NR5A2: variants seen among roughly 807,000 people sequenced by gnomAD.
NR5A2 encodes the protein nuclear receptor subfamily 5 group A member 2, also known as CYP7A promoter-binding factor.
In NR5A2, 26 loss-of-function variants were observed where a neutral mutation model predicts 62.7. The observed-to-expected ratio is 0.41, with a 90% CI of 0.30 to 0.58. NR5A2 has a LOEUF of 0.58. Among genes scored for constraint, NR5A2 ranks in the 20% least tolerant of loss-of-function variants. The probability of loss-of-function intolerance (pLI) is 0.22; values close to 1 mark genes in which losing one functional copy is unlikely to be tolerated. For missense variants in NR5A2, 541 were observed against 669.1 expected, an observed-to-expected ratio of 0.81 and a Z score of 2.11; for synonymous variants, 246 against 241.7, an observed-to-expected ratio of 1.02 and a Z score of -0.16.
chr1:200,044,638 A>G (rs912390739), intron 3 of NR5A2: 6 of 152,102 alleles, frequency 3.9e-5, no homozygotes, highest in African/African-American at 1.2e-4. Flanking sequence ...ACTCAGTACA[A>G]TTACTTAAAC....
rs537191680 is a variant in NR5A2, at chr1:200,174,285, A to C, written c.*75A>C. On this transcript the variant is annotated 3_prime_UTR_variant, in exon 8 of 8. Transcript: ENST00000367362. ...GTGGGGAGGGGGAAGAAGAACAGGAAGAAAAAAAGTACTCTGAACTGCTCC... is the reference window on the plus strand; with the variant it reads ...GTGGGGAGGGGGAAGAAGAACAGGACGAAAAAAAGTACTCTGAACTGCTCC... 52 of 1,445,806 alleles carry C rather than the reference A, an allele frequency of 3.6e-5. No homozygotes were observed. The Admixed American group carries it at 6.1e-4, about 17-fold the overall frequency. The allele number at this position is 1,445,806 out of a possible 1,614,324, so 89.6% of individuals were successfully genotyped here. A position where few individuals can be genotyped will look rare whatever the true frequency, so the allele number is the denominator to read the frequency against.
In NR5A2 at chr1:200,048,890, T is replaced by A; in HGVS notation, c.1110+72T>A. On this transcript the variant is annotated intron_variant, in intron 5 of 7. Transcript: ENST00000367362. The surrounding 1 kb of genome is among the most constrained non-coding windows in gnomAD (Gnocchi z 4.8). ...CCTAACTATGTTCCTAATTAATACA[T>A]TCTTGGTGCTGAAAATATGTGTTCC... 1.3e-6 allele frequency: 2 copies of A among 1,517,360 alleles called. No homozygotes were observed. The highest frequency in any genetic ancestry group is 1.8e-6 in the Non-Finnish European group (2 of 1,113,302). 94.0% of individuals were successfully genotyped at this position (1,517,360 alleles called of 1,614,324 possible).
chr1:200,100,128 A>G (rs1198701886), intron 5 of NR5A2, among the ~76,000 whole-genome samples: 5 of 152,226 alleles, frequency 3.3e-5, no homozygotes, highest in African/African-American at 9.6e-5. Context: ...CTTTAATTAT[A>G]CATAAGAGAT....
intron 5 of NR5A2, among the ~76,000 whole-genome samples, chr1:200,107,586 T>G (rs1665743296): frequency 6.6e-6 from 1 of 152,178 alleles, no homozygotes; most frequent in Non-Finnish European, 1.5e-5. Flanking sequence ...GATATGCAGA[T>G]TTTGAAGTGT....
In NR5A2 at chr1:200,048,053, G is replaced by T. The variant is rs188182781; in HGVS notation, c.464-119G>T. 1.9e-4 allele frequency: 181 copies of T among 956,466 alleles called. No homozygotes were observed. The East Asian group carries it at 4.0e-3, about 21-fold the overall frequency. 59.2% of individuals were successfully genotyped at this position (956,466 alleles called of 1,614,324 possible). On this transcript the variant is annotated intron_variant, in intron 4 of 7. Coordinates refer to ENST00000367362, the MANE Select transcript of NR5A2 (RefSeq NM_205860.3). The surrounding 1 kb of genome is among the most constrained non-coding windows in gnomAD (Gnocchi z 4.8). ...GGAAATCTTTGTGGGCTATTGTAAC[G>T]AAAACAACCACACACATACCACTTC... is the stretch of plus-strand genomic sequence containing the variant.
intron 7 of NR5A2, among the ~76,000 whole-genome samples, chr1:200,171,453 A>C (rs1654175214): frequency 6.6e-6 from 1 of 152,172 alleles, no homozygotes; most frequent in South Asian, 2.1e-4. Flanking sequence ...GTATTCATAG[A>C]AATTAACCAT....
intron 3 of NR5A2, among the ~76,000 whole-genome samples, chr1:200,044,988 A>G (rs1324131917): frequency 6.6e-6 from 1 of 150,954 alleles, no homozygotes; most frequent in African/African-American, 2.4e-5. Flanking sequence ...GTTAAAAAAA[A>G]AAAAAAATCT....
chr1:200,051,990 C>T (rs1040701486), intron 5 of NR5A2, among the ~76,000 whole-genome samples: 4 of 152,178 alleles, frequency 2.6e-5, no homozygotes, highest in East Asian at 1.9e-4. Context: ...CCAGATAGTA[C>T]ATAACCTACA....
intron 5 of NR5A2, among the ~76,000 whole-genome samples, chr1:200,066,144 G>A (rs925524428): frequency 2.0e-5 from 3 of 152,170 alleles, no homozygotes; most frequent in Non-Finnish European, 2.9e-5. Context: ...TATACAGGAG[G>A]TCCATCACCC....
intron 5 of NR5A2, among the ~76,000 whole-genome samples, chr1:200,053,569 G>GCGCGCACACACACA (rs374944913): frequency 1.1e-4 from 15 of 141,994 alleles, no homozygotes; most frequent in African/African-American, 1.6e-4. Context: ...GCATGCACAC[G>GCGCGCACACACACA]CACACACACA....
chr1:200,057,487 C>CTT, intron 5 of NR5A2: 6 of 222,710 alleles, frequency 2.7e-5, no homozygotes, highest in South Asian at 9.2e-5. Context: ...AATTTTTTTT[C>CTT]TTTTTTTTTG....
chr1:200,082,489 T>A (rs1403999220), intron 5 of NR5A2, among the ~76,000 whole-genome samples: 2 of 152,160 alleles, frequency 1.3e-5, no homozygotes, highest in South Asian at 4.1e-4. Context: ...TTTAAGAATA[T>A]AAAACAAATT....
At chr1:200,067,389 T>C (rs1663536494) in intron 5 of NR5A2, among the ~76,000 whole-genome samples, 1 of 152,206 alleles carries the variant, frequency 6.6e-6, no homozygotes, top group Admixed American at 6.5e-5. Context: ...AAACCCCGTC[T>C]CTACTAAAAA....
At position 200,166,198 on chromosome 1, in the gene NR5A2, G is replaced by A. The variant is rs554822553; in HGVS notation, c.1379-7765G>A. Among the ~76,000 whole-genome samples, 72 of 152,182 alleles carry A rather than the reference G, an allele frequency of 4.7e-4. No homozygotes were observed. In the Middle Eastern group the frequency reaches 0.01, roughly 22 times the overall value. On this transcript the variant is annotated intron_variant, in intron 7 of 7. Coordinates refer to ENST00000367362, the MANE Select transcript of NR5A2 (RefSeq NM_205860.3). ...AGTGGTTTTCAAACATTTTTGATCC[G>A]TGGGAGCTTTTTTTCTAAACCATGT...
At chr1:200,030,174 T>C (rs1392327654) in intron 1 of NR5A2, among the ~76,000 whole-genome samples, 17 of 152,200 alleles carry the variant, frequency 1.1e-4, no homozygotes, top group Admixed American at 1.1e-3. Context: ...AAATTGCAAG[T>C]TGGGCTGTGT....
intron 5 of NR5A2, among the ~76,000 whole-genome samples, chr1:200,100,572 G>C (rs1480375740): frequency 6.6e-6 from 1 of 152,072 alleles, no homozygotes; most frequent in Non-Finnish European, 1.5e-5. Flanking sequence ...GTGTTGTCTT[G>C]GTTTATCTTT....
intron 1 of NR5A2, chr1:200,038,763 C>G (rs550976235): frequency 2.2e-6 from 3 of 1,361,998 alleles, no homozygotes; most frequent in African/African-American, 3.0e-5. Context: ...GAGGTCGCTT[C>G]TGACTAGCTG....
intron 5 of NR5A2, among the ~76,000 whole-genome samples, chr1:200,106,045 G>T (rs1285200723): frequency 6.9e-6 from 1 of 144,480 alleles, no homozygotes; most frequent in African/African-American, 2.6e-5. Flanking sequence ...TCTTCTAATT[G>T]TTGGCCAGAT....
At chr1:200,095,693 C>T (rs1665057553) in intron 5 of NR5A2, among the ~76,000 whole-genome samples, 1 of 148,588 alleles carries the variant, frequency 6.7e-6, no homozygotes, top group South Asian at 2.2e-4. Flanking sequence ...GCTGGGACTA[C>T]AGGCACCCGC....
Sources: allele counts gnomAD v4.1 joint callset (sites outside exome capture counted in the v4.1 genomes callset), GRCh38; gene constraint gnomAD v4.1.1; non-coding constraint Gnocchi (gnomAD v3.1); transcripts MANE v1.5; gene names NCBI Gene and HGNC (gene_info 2026-07-23, HGNC 2026-07-21).